Variants in L3MBTL1 observed in about 807,000 individuals in gnomAD.
The protein encoded by L3MBTL1 is lethal(3)malignant brain tumor-like protein 1.
Under a neutral mutation model 105.3 loss-of-function variants are expected in L3MBTL1, and 75 were observed. That is an observed-to-expected ratio of 0.71 (90% CI 0.59 to 0.86). The LOEUF is 0.86. Among genes scored for constraint, L3MBTL1 ranks in the 40% least tolerant of loss-of-function variants. The probability of loss-of-function intolerance (pLI) is 0.00; values close to 1 mark genes in which losing one functional copy is unlikely to be tolerated. For missense variants in L3MBTL1, 1,069 were observed against 1,126.4 expected (o/e 0.95, Z 0.73); for synonymous variants, 452 against 436.2 (o/e 1.04, Z -0.45).
chr20:43,510,066 T>G (rs1442727806), intron 1 of L3MBTL1, among the ~76,000 whole-genome samples: 1 of 152,108 alleles, frequency 6.6e-6, no homozygotes, highest in East Asian at 1.9e-4. Context: ...AGTTTCAACA[T>G]GTTGTCCAGG....
chr20:43,542,967 T>C (rs2019971324), downstream of L3MBTL1, among the ~76,000 whole-genome samples: 1 of 152,226 alleles, frequency 6.6e-6, no homozygotes, highest in Non-Finnish European at 1.5e-5. Flanking sequence ...GAACCCTATT[T>C]TTTTGTTAGC....
intron 11 of L3MBTL1, chr20:43,531,206 C>T (rs1426164756): frequency 1.4e-5 from 4 of 292,108 alleles, no homozygotes; most frequent in Non-Finnish European, 2.6e-5. Context: ...CTTGCTTTGG[C>T]TTGCTCTGCA....
At position 43,519,270 on chromosome 20, in the gene L3MBTL1, G is replaced by T. The variant is rs1222875928; in HGVS notation, c.862+3093G>T. ...GAGAATCGCTTGAACCCAGGAGGCA[G>T]AGGTTGCAGTGAGCTGAGAGTGCAC... On this transcript the variant is annotated intron_variant, in intron 7 of 21. Transcript: ENST00000418998. 2.7e-5 allele frequency among the ~76,000 whole-genome samples: 4 copies of T among 150,336 alleles called. No homozygotes were observed. In the Admixed American group the frequency reaches 2.7e-4, roughly 10 times the overall value.
At chr20:43,511,095 G>A (rs547324012) in intron 1 of L3MBTL1, among the ~76,000 whole-genome samples, 75 of 152,006 alleles carry the variant, frequency 4.9e-4, no homozygotes, top group African/African-American at 1.7e-3. Context: ...TCCCAGGCTG[G>A]AGTACAGTGG....
rs1265217163 is a variant in L3MBTL1, at chr20:43,533,985, A to G, written c.1514-23A>G. 3.2e-6 allele frequency: 5 copies of G among 1,586,862 alleles called. No homozygotes were observed. The African/African-American group carries it at 5.4e-5, about 17-fold the overall frequency. On this transcript the variant is annotated intron_variant, in intron 13 of 21. Coordinates refer to ENST00000418998, the MANE Select transcript of L3MBTL1 (RefSeq NM_001377303.1). Reference sequence around the variant, plus strand: ...CCGCAGTACACCTGGGTGGCTAGACATTGCTCTCATCCTCTCCTCCAGACT... The same window carrying G: ...CCGCAGTACACCTGGGTGGCTAGACGTTGCTCTCATCCTCTCCTCCAGACT...
At chr20:43,548,771 C>T (rs924819516) in exon 19 of L3MBTL1, 1 of 152,444 alleles carries the variant, frequency 6.6e-6, no homozygotes, top group Non-Finnish European at 1.5e-5. Flanking sequence ...TGCTTCGTTT[C>T]CTGGGCAGTG....
intron 1 of L3MBTL1, among the ~76,000 whole-genome samples, chr20:43,510,084 T>C (rs563442867): frequency 1.3e-5 from 2 of 152,082 alleles, no homozygotes; most frequent in Non-Finnish European, 2.9e-5. Context: ...AGGCTGGTTT[T>C]GAACTCCTGG....
At chr20:43,514,205 C>A in intron 3 of L3MBTL1, 144 bp downstream of exon 3, 1 of 828,296 alleles carries the variant, frequency 1.2e-6, no homozygotes, top group Non-Finnish European at 1.9e-6. Context: ...GTGAGGGACT[C>A]TCGGGGCGTG....
At chr20:43,509,846 A>G (rs1316433219) in intron 1 of L3MBTL1, among the ~76,000 whole-genome samples, 2 of 152,210 alleles carry the variant, frequency 1.3e-5, no homozygotes, top group African/African-American at 4.8e-5. Flanking sequence ...AGTGTTTCAA[A>G]TAAAAAGATT....
At chr20:43,525,853 A>T (rs1211406644) in intron 7 of L3MBTL1, among the ~76,000 whole-genome samples, 1 of 152,184 alleles carries the variant, frequency 6.6e-6, no homozygotes, top group Non-Finnish European at 1.5e-5. Context: ...TGTACCCCCA[A>T]TTTCTAGTAC....
Position 43,534,858 on chromosome 20 carries a change from G to A in L3MBTL1, c.1741G>A (p.Asp581Asn). The A allele has an allele frequency of 6.2e-7, 1 of 1,611,632 alleles. No individual in the cohort carries two copies. Among genetic ancestry groups the A allele is most frequent in the East Asian group, 2.2e-5 (1 of 44,854 alleles). The stretch of plus-strand genomic sequence containing the variant: ...CTTTGATGGCTGGAGTCATGGCTAT[G>A]ATTTCTGGATCGACGCTGACCACCC... ...IHFDGWSHGY[D>N]FWIDADHPDI... Residue 581 changes from aspartate (D) to asparagine (N), a missense_variant, in exon 16 of 22, where the codon GAT becomes AAT. By Grantham distance (23) the Asp-to-Asn change is conservative. Transcript: ENST00000418998.
chr20:43,519,546 G>T (rs2018597832), intron 7 of L3MBTL1, among the ~76,000 whole-genome samples: 1 of 152,198 alleles, frequency 6.6e-6, no homozygotes, highest in Non-Finnish European at 1.5e-5. Context: ...TGAGGCAGGA[G>T]AATCGCTTGA....
intron 1 of L3MBTL1, among the ~76,000 whole-genome samples, chr20:43,511,980 G>C (rs1280030589): frequency 1.3e-5 from 2 of 151,986 alleles, no homozygotes; most frequent in South Asian, 2.1e-4. Context: ...TCTGTTGAGT[G>C]GAGAGAACAG....
In L3MBTL1 at chr20:43,540,729, A is replaced by G. The variant is rs1404178693; in HGVS notation, c.2332-24A>G. ...CATGCCTAAGCTCTGTCCCCTGGTC[A>G]ACATGTCATCTTTGGTTTCCAAGGT... On this transcript the variant is annotated intron_variant, in intron 20 of 21. Coordinates refer to ENST00000418998, the MANE Select transcript of L3MBTL1 (RefSeq NM_001377303.1). 7 of 1,613,370 alleles carry G rather than the reference A, an allele frequency of 4.3e-6. No individual in the cohort carries two copies. In the East Asian group the frequency reaches 1.3e-4, roughly 31 times the overall value.
chr20:43,512,293 T>C (rs117258204), intron 1 of L3MBTL1, among the ~76,000 whole-genome samples: 3,155 of 152,222 alleles, frequency 0.021, 60 homozygotes, highest in Non-Finnish European at 0.034. Context: ...TCAGTGTGTT[T>C]TGGAGGTAGC....
At chr20:43,533,305 G>A (rs1158573519) in intron 12 of L3MBTL1, 37 bp from the exon 13 acceptor site, 19 of 1,599,842 alleles carry the variant, frequency 1.2e-5, no homozygotes, top group Non-Finnish European at 1.5e-5. Flanking sequence ...AGGGCCTCAA[G>A]TTTCTCTTGG....
In L3MBTL1 at chr20:43,534,312, T is replaced by C. The variant is rs374569088; in HGVS notation, c.1628T>C (p.Met543Thr). The change falls in exon 15 of 22, where the codon ATG becomes ACG. Residue 543 changes from methionine to threonine, a missense_variant. Physicochemically the swap from Met to Thr is moderately conservative, Grantham distance 81. Transcript: ENST00000418998. ...CCCCCTCACAGCTTCCTGGTCAATATGAAGCTGGAGGCTGTGGACCGCAGG... is the reference window on the plus strand; with the variant it reads ...CCCCCTCACAGCTTCCTGGTCAATACGAAGCTGGAGGCTGTGGACCGCAGG... The part of the protein sequence containing the change: ...VRPPHSFLVN[M>T]KLEAVDRRNP... 1.9e-6 allele frequency: 3 copies of C among 1,614,058 alleles called. No homozygotes were observed. The African/African-American group carries it at 4.0e-5, about 22-fold the overall frequency.
chr20:43,513,608 T>C lies in L3MBTL1; in HGVS notation c.105T>C (p.Pro35=). ...LVAGDSPGSG[P]HLPATAFIIP... is the part of the protein sequence containing the mutation. ...CCGGAGACAGCCCCGGTTCTGGTCC[T>C]CACCTGCCCGCAACTGCCTTCATCA... Residue 35 remains proline, a synonymous_variant, in exon 2 of 22, where the codon CCT becomes CCC. Coordinates refer to ENST00000418998, the MANE Select transcript of L3MBTL1 (RefSeq NM_001377303.1). 6.4e-7 allele frequency: 1 copy of C among 1,550,548 alleles called. No individual in the cohort carries two copies. Among genetic ancestry groups the C allele is most frequent in the Non-Finnish European group, 8.7e-7 (1 of 1,146,962 alleles).
At chr20:43,542,611 CAAAAAAA>C (rs5841503), downstream of L3MBTL1, among the ~76,000 whole-genome samples, 140 of 112,660 alleles carry the variant, frequency 1.2e-3, no homozygotes, top group African/African-American at 4.0e-3. Context: ...AAAAATTTAA[CAAAAAAA>C]AAAAAAAAAA....
Sources: gnomAD v4.1 joint callset for allele counts (sites outside exome capture counted in the v4.1 genomes callset) on GRCh38, gnomAD v4.1.1 for gene constraint, MANE v1.5 for transcripts, NCBI Gene and HGNC (gene_info 2026-07-23, HGNC 2026-07-21) for gene names.